The following GRM5 variants were observed in gnomAD, a reference collection of about 807,000 sequenced individuals.
GRM5 encodes the protein glutamate metabotropic receptor 5.
A neutral mutation model predicts 83.1 loss-of-function variants in GRM5; 19 were observed. That is an observed-to-expected ratio of 0.23 (90% CI 0.16 to 0.34). GRM5 has a LOEUF of 0.34. Among genes scored for constraint, GRM5 ranks in the 10% least tolerant of loss-of-function variants. The probability of loss-of-function intolerance (pLI) is 1.00; values close to 1 mark genes in which losing one functional copy is unlikely to be tolerated. For synonymous variants in GRM5, 675 were observed against 633.6 expected (o/e 1.07, Z -0.98); for missense variants, 1,160 against 1,588.3 (o/e 0.73, Z 4.58).
Position 88,685,471 on chromosome 11 carries a change from A to G in GRM5, c.912-32068T>C, listed in dbSNP as rs911236012. Reference sequence around the variant, plus strand: ...GATAGAAAAGAAAAACCCATTTTCTAAAGAGAAATTCAAGCCAGCTGCAGA... The same window carrying G: ...GATAGAAAAGAAAAACCCATTTTCTGAAGAGAAATTCAAGCCAGCTGCAGA... On this transcript the variant is annotated intron_variant, in intron 3 of 9. Transcript: ENST00000305447. Among the ~76,000 whole-genome samples the G allele has an allele frequency of 3.3e-5, 5 of 152,236 alleles. No homozygotes were observed. In the East Asian group the frequency reaches 7.7e-4, roughly 23 times the overall value.
At chr11:89,044,506 A>G (rs1316280887) in intron 2 of GRM5, among the ~76,000 whole-genome samples, 1 of 152,174 alleles carries the variant, frequency 6.6e-6, no homozygotes, top group Non-Finnish European at 1.5e-5. Flanking sequence ...TTGAAGGAAC[A>G]TCTTGTGGTA....
At chr11:88,953,354 T>C (rs1366466664) in intron 2 of GRM5, among the ~76,000 whole-genome samples, 1 of 152,216 alleles carries the variant, frequency 6.6e-6, no homozygotes, top group Non-Finnish European at 1.5e-5. Context: ...ATTGGGCAGG[T>C]AATAGGCTCT....
chr11:89,056,683 T>A (rs988731256), intron 1 of GRM5, among the ~76,000 whole-genome samples: 29 of 152,142 alleles, frequency 1.9e-4, no homozygotes, highest in Admixed American at 9.2e-4. Flanking sequence ...GAGGCATTAA[T>A]TCTTGTAATG....
In GRM5 at chr11:88,713,670, TAGAA is replaced by T. The variant is rs1941333763; in HGVS notation, c.912-60271_912-60268del. Among the ~76,000 whole-genome samples the T allele has an allele frequency of 2.6e-5, 4 of 152,150 alleles. No individual in the cohort carries two copies. In the South Asian group the frequency reaches 8.3e-4, roughly 32 times the overall value. ...CATGAATATGATGTTGCAGAAATCA[TAGAA>T]AGAAAAACAACATTTTTTCTCCAGT... On this transcript the variant is annotated intron_variant, in intron 3 of 9. Transcript: ENST00000305447.
At chr11:88,816,349 G>A (rs1943681517) in intron 3 of GRM5, among the ~76,000 whole-genome samples, 1 of 150,604 alleles carries the variant, frequency 6.6e-6, no homozygotes, top group Non-Finnish European at 1.5e-5. Context: ...GACCAGCCTG[G>A]CCAACATAGT....
At chr11:88,891,716 A>T (rs1945147199) in intron 2 of GRM5, among the ~76,000 whole-genome samples, 1 of 151,816 alleles carries the variant, frequency 6.6e-6, no homozygotes, top group South Asian at 2.1e-4. Flanking sequence ...CTTACAGACA[A>T]TTGTTATCTT....
chr11:88,785,558 A>G (rs1026526238), intron 3 of GRM5, among the ~76,000 whole-genome samples: 1 of 152,110 alleles, frequency 6.6e-6, no homozygotes, highest in Non-Finnish European at 1.5e-5. Flanking sequence ...ATATCTAAGA[A>G]TATTTGTGTA....
intron 5 of GRM5, among the ~76,000 whole-genome samples, chr11:88,597,644 C>T (rs941507760): frequency 1.3e-5 from 2 of 152,032 alleles, no homozygotes; most frequent in African/African-American, 2.4e-5. Flanking sequence ...GAAGTTTAAA[C>T]GAGTACTGTT....
At chr11:88,918,885 A>G (rs909372577) in intron 2 of GRM5, among the ~76,000 whole-genome samples, 2 of 151,868 alleles carry the variant, frequency 1.3e-5, no homozygotes, top group African/African-American at 4.8e-5. Context: ...AACCTAAAAA[A>G]TATAAAAACA....
chr11:88,689,740 G>A (rs1337725775), intron 3 of GRM5, among the ~76,000 whole-genome samples: 2 of 152,164 alleles, frequency 1.3e-5, no homozygotes, highest in African/African-American at 2.4e-5. Flanking sequence ...GGTGTCTGAC[G>A]TCAGTTCATG....
In GRM5 at chr11:88,745,865, T is replaced by A. The variant is rs544394595; in HGVS notation, c.912-92462A>T. Among the ~76,000 whole-genome samples, 51 of 152,306 alleles carry A rather than the reference T, an allele frequency of 3.3e-4. 1 individual carries two copies. Among genetic ancestry groups the A allele is most frequent in the African/African-American group, 1.2e-3 (51 of 41,584 alleles). ...CTCATGCTGAGAAATTCCTGAGGCA[T>A]TCAAGAAGTAGGCATTTCTGAAAAG... On this transcript the variant is annotated intron_variant, in intron 3 of 9. Coordinates refer to ENST00000305447, the MANE Select transcript of GRM5 (RefSeq NM_001143831.3).
intron 3 of GRM5, among the ~76,000 whole-genome samples, chr11:88,798,429 T>C (rs985181971): frequency 2.0e-5 from 3 of 152,160 alleles, no homozygotes; most frequent in Admixed American, 6.6e-5. Context: ...AAAACACTTT[T>C]GTAGAATGAA....
At chr11:88,641,568 A>G (rs1214031822) in intron 4 of GRM5, among the ~76,000 whole-genome samples, 1 of 152,116 alleles carries the variant, frequency 6.6e-6, no homozygotes, top group East Asian at 1.9e-4. Context: ...AAAATCACAT[A>G]AGTTATTTAC....
chr11:88,585,525 C>A (rs931509482), intron 7 of GRM5, among the ~76,000 whole-genome samples: 1 of 152,152 alleles, frequency 6.6e-6, no homozygotes, highest in Non-Finnish European at 1.5e-5. Flanking sequence ...TTTCTTGTCT[C>A]ATTTCTCCCT....
chr11:88,636,033 C>T (rs1233223826), intron 4 of GRM5, among the ~76,000 whole-genome samples: 2 of 152,136 alleles, frequency 1.3e-5, no homozygotes, highest in Admixed American at 6.5e-5. Context: ...CTCACTAGAA[C>T]TTAGTTTGTA....
At chr11:88,543,631 T>C (rs1329158539) in intron 8 of GRM5, among the ~76,000 whole-genome samples, 1 of 140,810 alleles carries the variant, frequency 7.1e-6, no homozygotes, top group Non-Finnish European at 1.6e-5. Flanking sequence ...CATCATGTTA[T>C]CCTTTTTTTT....
At chr11:88,880,330 G>T (rs1336372278) in intron 2 of GRM5, among the ~76,000 whole-genome samples, 1 of 152,132 alleles carries the variant, frequency 6.6e-6, no homozygotes, top group Non-Finnish European at 1.5e-5. Context: ...ATGCATTGAA[G>T]AGATTATGGC....
intron 3 of GRM5, among the ~76,000 whole-genome samples, chr11:88,805,204 T>A (rs867739471): frequency 3.3e-5 from 5 of 152,146 alleles, no homozygotes; most frequent in Non-Finnish European, 7.3e-5. Context: ...ATTTATTTAT[T>A]TATTTTGAGA....
At chr11:88,938,055 C>T (rs649890) in intron 2 of GRM5, among the ~76,000 whole-genome samples, 3 of 151,548 alleles carry the variant, frequency 2.0e-5, no homozygotes, top group African/African-American at 7.3e-5. Flanking sequence ...AATATTCTCA[C>T]GACCAACAAG....
Sources: allele counts gnomAD v4.1 joint callset (sites outside exome capture counted in the v4.1 genomes callset), GRCh38; gene constraint gnomAD v4.1.1; transcripts MANE v1.5; gene names NCBI Gene and HGNC (gene_info 2026-07-23, HGNC 2026-07-21).